FSD2: variants seen among roughly 807,000 people sequenced by gnomAD.
FSD2 encodes fibronectin type III and SPRY domain-containing protein 2.
A neutral mutation model predicts 80.4 loss-of-function variants in FSD2; 71 were observed. That is an observed-to-expected ratio of 0.88 (90% CI 0.73 to 1.08). The LOEUF (loss-of-function observed/expected upper bound fraction) is 1.08, where lower values mean the gene tolerates loss of function less well. Ranked by LOEUF, FSD2 falls within the 50% of genes least tolerant of loss-of-function variation. The probability of loss-of-function intolerance (pLI) is 0.00; values close to 1 mark genes in which losing one functional copy is unlikely to be tolerated. For synonymous variants in FSD2, 361 were observed against 329.5 expected (o/e 1.10, Z -1.03); for missense variants, 923 against 913.8 (o/e 1.01, Z -0.13).
At position 82,763,310 on chromosome 15, in the gene FSD2, G is replaced by T. The variant is rs544964473; in HGVS notation, c.1821-1032C>A. Among the ~76,000 whole-genome samples the T allele has an allele frequency of 3.9e-5, 6 of 152,306 alleles. No individual in the cohort carries two copies. In the South Asian group the frequency reaches 1.2e-3, roughly 32 times the overall value. ...CGGTAACCCCCTGGTGGAAAACTAA[G>T]ATGGGAATAATGTAGTGGCTACAAG... is the stretch of plus-strand genomic sequence containing the variant. On this transcript the variant is annotated intron_variant, in intron 11 of 12. Coordinates refer to ENST00000334574, the MANE Select transcript of FSD2 (RefSeq NM_001007122.4).
At position 82,769,902 on chromosome 15, in the gene FSD2, T is replaced by A. The variant is rs1411973915; in HGVS notation, c.1268-18A>T. On this transcript the variant is annotated intron_variant, in intron 7 of 12. Transcript: ENST00000334574. ...TGTAAACTCTGGGGAAAAAAAAAGA[T>A]AAGAATTCAACCCTAAAAACTGGCC... The A allele has an allele frequency of 6.2e-7, 1 of 1,612,568 alleles. No individual in the cohort carries two copies.
intron 3 of FSD2, among the ~76,000 whole-genome samples, chr15:82,785,852 TGCACCAGATA>T (rs1170399151): frequency 6.6e-6 from 1 of 152,030 alleles, no homozygotes; most frequent in Non-Finnish European, 1.5e-5. Flanking sequence ...TCTCCGCCAA[TGCACCAGATA>T]GCAACCCGGG....
chr15:82,765,914 A>G lies in FSD2; in HGVS notation c.1671T>C (p.Ala557=), dbSNP rs764265823. 1.2e-6 allele frequency: 2 copies of G among 1,610,510 alleles called. No individual in the cohort carries two copies. The highest frequency in any genetic ancestry group is 2.2e-5 in the South Asian group (2 of 90,096). The change falls in exon 10 of 13, where the codon GCT becomes GCC. Residue 557 remains alanine, a synonymous_variant. Transcript: ENST00000334574. ...GGCACAGACCTATGGTGTGGACTGTAGCTGGCTCGCTCCTCACGCTGGGGC... is the reference window on the plus strand; with the variant it reads ...GGCACAGACCTATGGTGTGGACTGTGGCTGGCTCGCTCCTCACGCTGGGGC... ...MGGPSVRSEP[A]TVHTIGSYFR... is the part of the protein sequence containing the mutation.
At chr15:82,771,824 G>A (rs1486340002) in intron 7 of FSD2, among the ~76,000 whole-genome samples, 1 of 152,248 alleles carries the variant, frequency 6.6e-6, no homozygotes, top group African/African-American at 2.4e-5. Flanking sequence ...ACTGGTCCCA[G>A]GGACAACTCT....
At chr15:82,773,443 G>A (rs1441907569) in intron 6 of FSD2, among the ~76,000 whole-genome samples, 1 of 152,296 alleles carries the variant, frequency 6.6e-6, no homozygotes, top group South Asian at 2.1e-4. Flanking sequence ...GTAAGAAAAT[G>A]TATGGTTCTG....
chr15:82,780,184 T>G, intron 5 of FSD2, 61 bp downstream of exon 5: 1 of 1,192,992 alleles, frequency 8.4e-7, no homozygotes, highest in Non-Finnish European at 1.2e-6. Flanking sequence ...ACTGAGTCTA[T>G]TTGGATAACT....
Position 82,787,052 on chromosome 15 carries a change from TG to T in FSD2, c.338del (p.Pro113GlnfsTer75). The T allele has an allele frequency of 1.2e-6, 2 of 1,613,984 alleles. No homozygotes were observed. The highest frequency in any genetic ancestry group is 1.7e-6 in the Non-Finnish European group (2 of 1,179,886). On this transcript the variant is annotated frameshift_variant, in exon 2 of 13. Transcript: ENST00000334574. LOFTEE classifies it high-confidence loss of function. ...YPPYMMKRRD[P>X]AREQRDWRLS... is the part of the protein sequence containing the mutation. ...GTCTCCAGTCTCTCTGCTCCCTGGCTGGGTCTCTCCTCTTCATCATATAAGG... is the reference window on the plus strand; with the variant it reads ...GTCTCCAGTCTCTCTGCTCCCTGGCTGGTCTCTCCTCTTCATCATATAAGG...
chr15:82,759,504 T>C lies in FSD2; in HGVS notation c.2094A>G (p.Ser698=). Residue 698 remains serine (S), a synonymous_variant, in exon 13 of 13, where the codon TCA becomes TCG. Transcript: ENST00000334574. ...GGTCCACATTGAAAAATGACAACTT[T>C]GAATGTTCATAGTCTAATAGAATGC... is the stretch of plus-strand genomic sequence containing the variant. ...KIGILLDYEH[S]KLSFFNVDLS... is the part of the protein sequence containing the mutation. The C allele has an allele frequency of 6.2e-7, 1 of 1,612,508 alleles. No individual in the cohort carries two copies. Among genetic ancestry groups the C allele is most frequent in the Admixed American group, 1.7e-5 (1 of 59,796 alleles).
intron 7 of FSD2, among the ~76,000 whole-genome samples, chr15:82,771,782 C>T (rs913034319): frequency 6.6e-6 from 1 of 152,226 alleles, no homozygotes. Flanking sequence ...AAGGGGCACC[C>T]CTGGCCCCTC....
intron 6 of FSD2, among the ~76,000 whole-genome samples, chr15:82,776,206 G>C (rs910683669): frequency 6.6e-6 from 1 of 152,164 alleles, no homozygotes; most frequent in Non-Finnish European, 1.5e-5. Context: ...AGGATTTCTT[G>C]AGCCCAGGAG....
At chr15:82,792,818 C>T (rs1245045403) in intron 1 of FSD2, among the ~76,000 whole-genome samples, 1 of 152,056 alleles carries the variant, frequency 6.6e-6, no homozygotes, top group Non-Finnish European at 1.5e-5. Flanking sequence ...TCATATGTGA[C>T]TAGATTCAGT....
At chr15:82,765,820 G>A in intron 10 of FSD2, 78 bp downstream of exon 10, 1 of 1,490,968 alleles carries the variant, frequency 6.7e-7, no homozygotes. Context: ...CAATTTCCCA[G>A]TGAAGTCATA....
rs372973611 is a variant in FSD2 at position 82,765,165 on chromosome 15, C to G, written c.1820+1G>C. ...GCCCTTGTGAGCGGTTGACAAAGTACCTGGTGAAGTGAGTGTCGCTGGGTG... is the reference window on the plus strand; with the variant it reads ...GCCCTTGTGAGCGGTTGACAAAGTAGCTGGTGAAGTGAGTGTCGCTGGGTG... On this transcript the variant is annotated splice_donor_variant, in intron 11 of 12. Coordinates refer to ENST00000334574, the MANE Select transcript of FSD2 (RefSeq NM_001007122.4). LOFTEE classifies it high-confidence loss of function. The G allele has an allele frequency of 1.3e-6, 2 of 1,592,448 alleles. No individual in the cohort carries two copies. The highest frequency in any genetic ancestry group is 2.3e-5 in the East Asian group (1 of 44,070).
Position 82,778,756 on chromosome 15 carries a change from A to G in FSD2, c.1111+10T>C. The G allele has an allele frequency of 6.2e-7, 1 of 1,603,036 alleles. No individual in the cohort carries two copies. Among genetic ancestry groups the G allele is most frequent in the Non-Finnish European group, 8.5e-7 (1 of 1,174,478 alleles). ...TGAACCTGCCGCGAAGTACACACAC[A>G]GGTGAGCACCTGGAATGGTGTTAAT... On this transcript the variant is annotated intron_variant, in intron 6 of 12. Transcript: ENST00000334574.
chr15:82,786,661 TG>T lies in FSD2; in HGVS notation c.640-56del, dbSNP rs2050005033. Reference sequence around the variant, plus strand: ...TTAATGTTACATCTTCTCTCACTCTTGTAGAAGGCGTTTTAGATTTATTCCC... The same window carrying T: ...TTAATGTTACATCTTCTCTCACTCTTTAGAAGGCGTTTTAGATTTATTCCC... On this transcript the variant is annotated intron_variant, in intron 2 of 12. Coordinates refer to ENST00000334574, the MANE Select transcript of FSD2 (RefSeq NM_001007122.4). 8.7e-6 allele frequency: 14 copies of T among 1,605,034 alleles called. No individual in the cohort carries two copies. In the East Asian group the frequency reaches 2.9e-4, roughly 33 times the overall value.
rs199656867 is a variant in FSD2, at chr15:82,787,006, C to G, written c.385G>C (p.Ala129Pro). ...DWRLSGEAAE[A>P]EDLGFGGWGS... is the part of the protein sequence containing the mutation. ...CACCCTCCGAAGCCCAGGTCCTCGG[C>G]CTCCGCTGCCTCTCCACTAAGTCTC... Residue 129 changes from alanine (A) to proline (P), a missense_variant, in exon 2 of 13, where the codon GCC becomes CCC. Coordinates refer to ENST00000334574, the MANE Select transcript of FSD2 (RefSeq NM_001007122.4). 2.7e-4 allele frequency: 437 copies of G among 1,613,898 alleles called. No individual in the cohort carries two copies. The highest frequency in any genetic ancestry group is 3.5e-4 in the Non-Finnish European group (416 of 1,179,898).
intron 12 of FSD2, among the ~76,000 whole-genome samples, chr15:82,761,427 A>G (rs2049293753): frequency 1.3e-5 from 2 of 152,216 alleles, no homozygotes; most frequent in South Asian, 4.1e-4. Context: ...AGAATTAGCC[A>G]TAACTACTAA....
chr15:82,765,166 CTGG>C lies in FSD2; in HGVS notation c.1817_1819del (p.Thr606del), dbSNP rs1221669237. Reference sequence around the variant, plus strand: ...CCCTTGTGAGCGGTTGACAAAGTACCTGGTGAAGTGAGTGTCGCTGGGTGACAG... The same window carrying C: ...CCCTTGTGAGCGGTTGACAAAGTACCTGAAGTGAGTGTCGCTGGGTGACAG... On this transcript the variant is annotated inframe_deletion and splice_region_variant, in exon 11 of 13. Coordinates refer to ENST00000334574, the MANE Select transcript of FSD2 (RefSeq NM_001007122.4). 1 of 1,593,934 alleles carries C rather than the reference CTGG, an allele frequency of 6.3e-7. No individual in the cohort carries two copies. Among genetic ancestry groups the C allele is most frequent in the African/African-American group, 1.4e-5 (1 of 73,762 alleles).
chr15:82,805,140 A>ATTTTTTTTTTTTTTTTTTTTTTTTTTT (rs57346494), intron 1 of FSD2, among the ~76,000 whole-genome samples: 1 of 131,612 alleles, frequency 7.6e-6, no homozygotes. Flanking sequence ...TCCCCCAATA[A>ATTTTTTTTTTTTTTTTTTTTTTTTTTT]TTTTTTTTTT....
Sources: gnomAD v4.1 joint callset for allele counts (sites outside exome capture counted in the v4.1 genomes callset) on GRCh38, gnomAD v4.1.1 for gene constraint, MANE v1.5 for transcripts, NCBI Gene and HGNC (gene_info 2026-07-23, HGNC 2026-07-21) for gene names.